The following ATXN7L1 variants were observed in gnomAD, a reference collection of about 807,000 sequenced individuals.
ATXN7L1 encodes the protein ataxin 7 like 1.
Under a neutral mutation model 70.8 loss-of-function variants are expected in ATXN7L1, and 15 were observed. That is an observed-to-expected ratio of 0.21 (90% CI 0.14 to 0.33). The LOEUF (loss-of-function observed/expected upper bound fraction) is 0.33. ATXN7L1 is among the 10% of genes least tolerant of loss of function. The pLI, the probability that ATXN7L1 is intolerant of heterozygous loss-of-function variation, is 1.00. For synonymous variants in ATXN7L1, 440 were observed against 445.1 expected (o/e 0.99, Z 0.14); for missense variants, 975 against 1,097.1 (o/e 0.89, Z 1.57).
intron 3 of ATXN7L1, among the ~76,000 whole-genome samples, chr7:105,732,316 G>A (rs996911319): frequency 2.6e-5 from 4 of 152,164 alleles, no homozygotes; most frequent in African/African-American, 9.7e-5. Context: ...AGGATGCTGA[G>A]GCAGGAGCAT....
At chr7:105,697,341 C>G (rs1420412345) in intron 3 of ATXN7L1, among the ~76,000 whole-genome samples, 1 of 152,194 alleles carries the variant, frequency 6.6e-6, no homozygotes, top group African/African-American at 2.4e-5. Flanking sequence ...ACCTACCCCC[C>G]TAGGTGCACG....
Position 105,665,259 on chromosome 7 carries a change from A to G in ATXN7L1, c.385T>C (p.Ser129Pro), listed in dbSNP as rs1291840159. 2 of 1,551,486 alleles carry G rather than the reference A, an allele frequency of 1.3e-6. No homozygotes were observed. The highest frequency in any genetic ancestry group is 2.4e-5 in the South Asian group (2 of 84,030). Residue 129 changes from serine (S) to proline (P), a missense_variant, in exon 4 of 12, where the codon TCT becomes CCT. Physicochemically the swap from Ser to Pro is moderately conservative, Grantham distance 74 (BLOSUM62 -1). Transcript: ENST00000419735. Reference sequence around the variant, plus strand: ...GAGGCTGGAGACACTGGAGAGGGAGAAGGTCTACACATTGAACCGTGTCTT... The same window carrying G: ...GAGGCTGGAGACACTGGAGAGGGAGGAGGTCTACACATTGAACCGTGTCTT... ...ERRHGSMCRP[S>P]PSPVSPASNP...
intron 3 of ATXN7L1, among the ~76,000 whole-genome samples, chr7:105,786,681 GC>G (rs1339836977): frequency 6.6e-6 from 1 of 151,198 alleles, no homozygotes; most frequent in Admixed American, 6.7e-5. Context: ...ACCACACCTG[GC>G]TAAATTTTTT....
intron 3 of ATXN7L1, among the ~76,000 whole-genome samples, chr7:105,743,631 C>T (rs1010209451): frequency 1.3e-5 from 2 of 152,116 alleles, no homozygotes; most frequent in African/African-American, 2.4e-5. Context: ...AGCTGCATTG[C>T]AGCAGCCTAG....
intron 1 of ATXN7L1, 131 bp from the exon 2 acceptor site, chr7:105,876,011 A>G (rs1301788228): frequency 1.1e-6 from 1 of 880,588 alleles, no homozygotes; most frequent in African/African-American, 1.7e-5. Context: ...AATTCTTTCA[A>G]AAATTGACAA....
At chr7:105,799,523 C>A (rs1368393088) in intron 2 of ATXN7L1, among the ~76,000 whole-genome samples, 1 of 152,200 alleles carries the variant, frequency 6.6e-6, no homozygotes, top group African/African-American at 2.4e-5. Flanking sequence ...GATCCTGTGG[C>A]ACTTGTTAGT....
chr7:105,633,446 G>A (rs944669058), intron 7 of ATXN7L1, among the ~76,000 whole-genome samples: 14 of 152,238 alleles, frequency 9.2e-5, no homozygotes, highest in African/African-American at 2.9e-4. Context: ...GGCTGGGTGC[G>A]GTGGCTCACG....
At chr7:105,760,639 C>T (rs1563071719) in intron 3 of ATXN7L1, 2 of 814,284 alleles carry the variant, frequency 2.5e-6, no homozygotes, top group Non-Finnish European at 3.0e-6. Flanking sequence ...GGAAGGCAGA[C>T]ATTAAACATT....
intron 2 of ATXN7L1, among the ~76,000 whole-genome samples, chr7:105,790,865 T>C (rs1008966767): frequency 1.3e-5 from 2 of 152,096 alleles, no homozygotes; most frequent in Non-Finnish European, 2.9e-5. Flanking sequence ...GCAGGGGTGA[T>C]ACAGGAATTA....
chr7:105,626,228 TATATGA>T (rs1795673335), intron 7 of ATXN7L1, among the ~76,000 whole-genome samples: 1 of 152,234 alleles, frequency 6.6e-6, no homozygotes, highest in South Asian at 2.1e-4. Context: ...ATTCTGCTAC[TATATGA>T]ATGACACTTG....
chr7:105,851,632 C>T (rs13237306), intron 2 of ATXN7L1, among the ~76,000 whole-genome samples: 11,448 of 152,198 alleles, frequency 0.075, 592 homozygotes, highest in Non-Finnish European at 0.11. Context: ...TTTCCATCCC[C>T]CTCCCATGTG....
chr7:105,786,572 G>A (rs1451547957), intron 3 of ATXN7L1, among the ~76,000 whole-genome samples: 1 of 152,192 alleles, frequency 6.6e-6, no homozygotes, highest in African/African-American at 2.4e-5. Context: ...CCAGAATGGA[G>A]TACAATGGCA....
intron 3 of ATXN7L1, among the ~76,000 whole-genome samples, chr7:105,695,420 G>T (rs988773057): frequency 3.3e-5 from 5 of 152,184 alleles, no homozygotes; most frequent in African/African-American, 1.2e-4. Flanking sequence ...CCACAGTGTG[G>T]GGGGAGCTTC....
rs59495945 is a variant in ATXN7L1, at chr7:105,868,736, C to T, written c.250+7076G>A. 1.5e-3 allele frequency among the ~76,000 whole-genome samples: 230 copies of T among 152,118 alleles called. 1 individual carries two copies. The highest frequency in any genetic ancestry group is 5.3e-3 in the African/African-American group (220 of 41,476). ...AGCCTTTTGAATTTTGTAACATGAA[C>T]ATTATTAAAAAAAATAAGTAGTTTT... On this transcript the variant is annotated intron_variant, in intron 2 of 11. Coordinates refer to ENST00000419735, the MANE Select transcript of ATXN7L1 (RefSeq NM_020725.2).
chr7:105,835,068 G>A (rs960033635), intron 2 of ATXN7L1, among the ~76,000 whole-genome samples: 11 of 151,456 alleles, frequency 7.3e-5, no homozygotes, highest in African/African-American at 2.7e-4. Flanking sequence ...GGGAGAGGCA[G>A]GGTGCAGGAG....
intron 10 of ATXN7L1, among the ~76,000 whole-genome samples, chr7:105,611,809 G>A (rs193087009): frequency 1.4e-4 from 22 of 152,282 alleles, no homozygotes; most frequent in Admixed American, 7.8e-4. Context: ...AATCTCATGC[G>A]TTGCCCCGAC....
At chr7:105,650,677 T>C (rs1799700949) in intron 4 of ATXN7L1, among the ~76,000 whole-genome samples, 1 of 152,206 alleles carries the variant, frequency 6.6e-6, no homozygotes, top group Admixed American at 6.5e-5. Flanking sequence ...AAGAAGGTCA[T>C]AGTGTCTTCA....
chr7:105,662,075 CTTCCTTCTTTCTT>C (rs1801766220), intron 4 of ATXN7L1, among the ~76,000 whole-genome samples: 1 of 77,008 alleles, frequency 1.3e-5, no homozygotes, highest in African/African-American at 4.1e-5. Context: ...TCCTTCCTTC[CTTCCTTCTTTCTT>C]TTCTTTTCTT....
At chr7:105,853,584 A>G (rs1487791709) in intron 2 of ATXN7L1, among the ~76,000 whole-genome samples, 3 of 147,922 alleles carry the variant, frequency 2.0e-5, no homozygotes, top group Non-Finnish European at 4.5e-5. Flanking sequence ...ACAACAAACA[A>G]ACAAAAAAAA....
Sources: allele counts gnomAD v4.1 joint callset (sites outside exome capture counted in the v4.1 genomes callset), GRCh38; gene constraint gnomAD v4.1.1; transcripts MANE v1.5; gene names NCBI Gene and HGNC (gene_info 2026-07-23, HGNC 2026-07-21).